Variants in RBM7 observed in about 807,000 individuals in gnomAD.
The protein encoded by RBM7 is RNA binding motif protein 7.
RBM7 carries 13 observed loss-of-function variants against 31.0 expected under a neutral mutation model. The ratio of observed to expected loss-of-function variants is 0.42; its 90% CI spans 0.27 to 0.67. The LOEUF (loss-of-function observed/expected upper bound fraction) is 0.67. Among genes scored for constraint, RBM7 ranks in the 30% least tolerant of loss-of-function variants. The pLI is 0.24. For synonymous variants in RBM7, 106 were observed against 111.2 expected (o/e 0.95, Z 0.30); for missense variants, 245 against 326.2 (o/e 0.75, Z 1.92).
Position 114,407,526 on chromosome 11 carries a change from G to C in RBM7, c.523G>C (p.Val175Leu), listed in dbSNP as rs1188042796. 2.5e-6 allele frequency: 4 copies of C among 1,614,200 alleles called. No homozygotes were observed. Among genetic ancestry groups the C allele is most frequent in the Admixed American group, 3.3e-5 (2 of 60,022 alleles). ...PLDQSGFSPS[V>L]QSHSHSFNQS... ...GGATCAATCAGGATTTTCACCATCA[G>C]TTCAATCACACAGTCATAGTTTCAA... The change falls in exon 5 of 5, where the codon GTT becomes CTT. Residue 175 changes from valine (V) to leucine (L), a missense_variant. Physicochemically the swap from Val to Leu is conservative, Grantham distance 32. Transcript: ENST00000375490.
Position 114,402,382 on chromosome 11 carries a change from C to CTTTTTT in RBM7, c.260-412_260-407dup, listed in dbSNP as rs71063570. Among the ~76,000 whole-genome samples, 49 of 50,162 alleles carry CTTTTTT rather than the reference C, an allele frequency of 9.8e-4. 9 individuals carry two copies. The highest frequency in any genetic ancestry group is 1.5e-3 in the Admixed American group (5 of 3,288). 32.9% of individuals were successfully genotyped at this position (50,162 alleles called of 152,430 possible). A position where few individuals can be genotyped will look rare whatever the true frequency, so the allele number is the denominator to read the frequency against. On this transcript the variant is annotated intron_variant, in intron 2 of 4. Transcript: ENST00000375490. ...AAGCGGTCTACAGCAGCTTGAGATT[C>CTTTTTT]TTTTTTTTTTTTTTTTTTTTTTTTT...
chr11:114,406,667 C>T (rs1946269126), intron 4 of RBM7: 1 of 152,142 alleles, frequency 6.6e-6, no homozygotes, highest in African/African-American at 2.4e-5. Context: ...TCCTCTAGCC[C>T]AATTATTAGG....
At position 114,400,696 on chromosome 11, in the gene RBM7, G is replaced by C. The variant is rs1267361877; in HGVS notation, c.25G>C (p.Asp9His). The C allele has an allele frequency of 5.0e-6, 8 of 1,614,108 alleles. No individual in the cohort carries two copies. Among genetic ancestry groups the C allele is most frequent in the Non-Finnish European group, 6.8e-6 (8 of 1,180,044 alleles). MGAAAAEADRTLFVGNLET... is the reference protein window; with the variant it reads MGAAAAEAHRTLFVGNLET... ...GATGGGGGCGGCGGCGGCGGAAGCG[G>C]ATCGCACTCTCTTTGTGGGCAACCT... The change falls in exon 1 of 5, where the codon GAT becomes CAT. Residue 9 changes from aspartate (D) to histidine (H), a missense_variant. Asp to His is a moderately conservative substitution (Grantham distance 81). Coordinates refer to ENST00000375490, the MANE Select transcript of RBM7 (RefSeq NM_001286045.2).
chr11:114,400,823 G>A, intron 1 of RBM7, 56 bp downstream of exon 1: 3 of 1,592,998 alleles, frequency 1.9e-6, no homozygotes, highest in Non-Finnish European at 2.6e-6. Context: ...CTAGGGCCTG[G>A]CCAGCGGCCA....
intron 1 of RBM7, among the ~76,000 whole-genome samples, chr11:114,401,364 TAAAG>T (rs1470726069): frequency 2.6e-5 from 4 of 152,310 alleles, no homozygotes; most frequent in East Asian, 3.9e-4. Flanking sequence ...CGTTTTTAGT[TAAAG>T]AAAATCATTC....
chr11:114,401,310 A>G (rs1028016900), intron 1 of RBM7, among the ~76,000 whole-genome samples: 1 of 152,136 alleles, frequency 6.6e-6, no homozygotes, highest in African/African-American at 2.4e-5. Context: ...CCCCATCCCT[A>G]TCCCCTAATA....
intron 2 of RBM7, 194 bp downstream of exon 2, chr11:114,402,054 A>G: frequency 1.9e-6 from 1 of 535,382 alleles, no homozygotes; most frequent in East Asian, 3.7e-5. Flanking sequence ...TAGAATTTCA[A>G]AACTGAGCTT....
chr11:114,405,859 T>C, intron 4 of RBM7, 60 bp downstream of exon 4: 2 of 1,195,774 alleles, frequency 1.7e-6, no homozygotes, highest in South Asian at 2.8e-5. Context: ...GTTAAAATGT[T>C]CGCATTGTAT....
At chr11:114,400,843 C>T (rs1412116577) in intron 1 of RBM7, 76 bp downstream of exon 1, 1 of 1,557,194 alleles carries the variant, frequency 6.4e-7, no homozygotes, top group Non-Finnish European at 8.8e-7. Flanking sequence ...ACCCCGTTTT[C>T]TTTTCGTAGC....
chr11:114,402,027 C>A, intron 2 of RBM7, 167 bp downstream of exon 2: 4 of 610,120 alleles, frequency 6.6e-6, no homozygotes, highest in Non-Finnish European at 1.0e-5. Flanking sequence ...GTAACATTGA[C>A]ACATGGATTT....
chr11:114,403,386 T>C (rs1365913031), intron 3 of RBM7, among the ~76,000 whole-genome samples: 20 of 152,230 alleles, frequency 1.3e-4, no homozygotes, highest in Admixed American at 1.3e-3. Context: ...GGTCTGCATC[T>C]ATCAATTGTG....
intron 4 of RBM7, 155 bp downstream of exon 4, chr11:114,405,954 C>G (rs145191419): frequency 3.8e-6 from 2 of 529,848 alleles, no homozygotes; most frequent in Non-Finnish European, 3.2e-6. Flanking sequence ...TTTTAGATAA[C>G]TTTTTCTCAA....
chr11:114,402,470 T>G (rs1450458240), intron 2 of RBM7, among the ~76,000 whole-genome samples: 1 of 137,584 alleles, frequency 7.3e-6, no homozygotes, highest in Non-Finnish European at 1.5e-5. Flanking sequence ...GTGGTGCAAT[T>G]TCAGCTCACT....
chr11:114,407,891 G>A lies in RBM7; in HGVS notation c.*84G>A. ...TATGGAAATATTTTGTTGAAAAACTGTACAGAGCAGCTTTACAAGTTGTCA... is the reference window on the plus strand; with the variant it reads ...TATGGAAATATTTTGTTGAAAAACTATACAGAGCAGCTTTACAAGTTGTCA... On this transcript the variant is annotated 3_prime_UTR_variant, in exon 5 of 5. Transcript: ENST00000375490. 4 of 1,413,778 alleles carry A rather than the reference G, an allele frequency of 2.8e-6. No homozygotes were observed. The highest frequency in any genetic ancestry group is 3.8e-6 in the Non-Finnish European group (4 of 1,061,034). 87.6% of individuals were successfully genotyped at this position (1,413,778 alleles called of 1,614,324 possible).
chr11:114,407,890 T>C lies in RBM7; in HGVS notation c.*83T>C, dbSNP rs1307919645. On this transcript the variant is annotated 3_prime_UTR_variant, in exon 5 of 5. Transcript: ENST00000375490. ...ATATGGAAATATTTTGTTGAAAAAC[T>C]GTACAGAGCAGCTTTACAAGTTGTC... The C allele has an allele frequency of 4.9e-6, 7 of 1,422,354 alleles. No individual in the cohort carries two copies. The highest frequency in any genetic ancestry group is 5.6e-6 in the Non-Finnish European group (6 of 1,067,616). The allele number at this position is 1,422,354 out of a possible 1,614,324, so 88.1% of individuals were successfully genotyped here.
At chr11:114,405,942 C>CT (rs1278308434) in intron 4 of RBM7, 143 bp downstream of exon 4, 3 of 543,616 alleles carry the variant, frequency 5.5e-6, no homozygotes, top group African/African-American at 2.0e-5. Flanking sequence ...CGTAAGTGAA[C>CT]TTTTTAGATA....
rs538502393 is a variant in RBM7, at chr11:114,400,899, C to G, written c.96+132C>G. 7 of 1,028,658 alleles carry G rather than the reference C, an allele frequency of 6.8e-6. No homozygotes were observed. The African/African-American group carries it at 9.7e-5, about 14-fold the overall frequency. The allele number at this position is 1,028,658 out of a possible 1,614,324, so 63.7% of individuals were successfully genotyped here. A position where few individuals can be genotyped will look rare whatever the true frequency, so the allele number is the denominator to read the frequency against. On this transcript the variant is annotated intron_variant, in intron 1 of 4. Coordinates refer to ENST00000375490, the MANE Select transcript of RBM7 (RefSeq NM_001286045.2). ...GGCTGTTTGGGGGTGAAAGGCGGGTCTGGGTTGCGAAACGCTCGCTGGGTG... is the reference window on the plus strand; with the variant it reads ...GGCTGTTTGGGGGTGAAAGGCGGGTGTGGGTTGCGAAACGCTCGCTGGGTG...
At position 114,405,806 on chromosome 11, in the gene RBM7, TGAC is replaced by T; in HGVS notation, c.441+8_441+10del. ...TTTTCAGAGACAAGCAGTGGTAGGTTGACTATTTTTCAACTTGAATTGCCAAAA... is the reference window on the plus strand; with the variant it reads ...TTTTCAGAGACAAGCAGTGGTAGGTTTATTTTTCAACTTGAATTGCCAAAA... On this transcript the variant is annotated splice_region_variant and intron_variant, in intron 4 of 4. Coordinates refer to ENST00000375490, the MANE Select transcript of RBM7 (RefSeq NM_001286045.2). 1.9e-6 allele frequency: 3 copies of T among 1,546,498 alleles called. No homozygotes were observed. The highest frequency in any genetic ancestry group is 1.7e-4 in the Middle Eastern group (1 of 5,862).
At chr11:114,405,267 C>A (rs1946252176) in intron 3 of RBM7, among the ~76,000 whole-genome samples, 1 of 152,180 alleles carries the variant, frequency 6.6e-6, no homozygotes. Flanking sequence ...ACTAAAGTAG[C>A]CATAGATAAT....
Sources: allele counts gnomAD v4.1 joint callset (sites outside exome capture counted in the v4.1 genomes callset), GRCh38; gene constraint gnomAD v4.1.1; transcripts MANE v1.5; gene names NCBI Gene and HGNC (gene_info 2026-07-23, HGNC 2026-07-21).